RFX8: variants seen among roughly 807,000 people sequenced by gnomAD.
RFX8 encodes the protein regulatory factor X8, also known as DNA-binding protein RFX8.
A neutral mutation model predicts 54.6 loss-of-function variants in RFX8; 46 were observed. That is an observed-to-expected ratio of 0.84 (90% confidence interval 0.67 to 1.08). The LOEUF is 1.08. Ranked by LOEUF, RFX8 falls within the 50% of genes least tolerant of loss-of-function variation. RFX8 has a pLI of 0.00. For missense variants in RFX8, 536 were observed against 562.3 expected (o/e 0.95, Z 0.47); for synonymous variants, 192 against 209.5 (o/e 0.92, Z 0.72).
At chr2:101,469,659 C>T (rs907829437) in intron 1 of RFX8, among the ~76,000 whole-genome samples, 2 of 152,062 alleles carry the variant, frequency 1.3e-5, no homozygotes, top group Non-Finnish European at 2.9e-5. Context: ...ATACAAACTC[C>T]TTAAAATGAA....
At chr2:101,468,450 T>A (rs566328245) in intron 1 of RFX8, among the ~76,000 whole-genome samples, 1 of 152,224 alleles carries the variant, frequency 6.6e-6, no homozygotes, top group South Asian at 2.1e-4. Flanking sequence ...TTTTATTGTT[T>A]TTCTTTTTTG....
chr2:101,421,281 C>A (rs575480349), intron 4 of RFX8: 2 of 986,452 alleles, frequency 2.0e-6, no homozygotes, highest in South Asian at 4.7e-5. Context: ...TTTTCCACAG[C>A]CAATTCTAGG....
intron 2 of RFX8, among the ~76,000 whole-genome samples, chr2:101,428,786 C>T (rs1464440313): frequency 1.3e-5 from 2 of 152,088 alleles, no homozygotes; most frequent in African/African-American, 4.8e-5. Context: ...TGTCTTGGCA[C>T]GGCATGTGGA....
chr2:101,469,159 C>G (rs1334577757), intron 1 of RFX8, among the ~76,000 whole-genome samples: 1 of 140,436 alleles, frequency 7.1e-6, no homozygotes, highest in Non-Finnish European at 1.5e-5. Flanking sequence ...TATATACACA[C>G]ACACACACAC....
At chr2:101,432,120 G>A (rs1226393195) in intron 2 of RFX8, among the ~76,000 whole-genome samples, 2 of 152,202 alleles carry the variant, frequency 1.3e-5, no homozygotes, top group Non-Finnish European at 2.9e-5. Context: ...TGGCAAGGCT[G>A]TCTCTTTCCA....
intron 2 of RFX8, among the ~76,000 whole-genome samples, chr2:101,453,285 AT>A (rs369222579): frequency 0.3 from 42,410 of 142,074 alleles, 6,946 homozygotes; most frequent in South Asian, 0.34. Context: ...TCAAAAAAAA[AT>A]AAATAAATAA....
At chr2:101,463,846 C>T (rs11123888) in intron 2 of RFX8, among the ~76,000 whole-genome samples, 52,299 of 151,820 alleles carry the variant, frequency 0.34, 9,621 homozygotes, top group African/African-American at 0.44. Flanking sequence ...TTCTCTGTGG[C>T]AAGATACCAA....
intron 1 of RFX8, among the ~76,000 whole-genome samples, chr2:101,470,919 C>A (rs1402427001): frequency 3.3e-5 from 5 of 150,380 alleles, no homozygotes; most frequent in South Asian, 4.2e-4. Context: ...TGGGGTTTCA[C>A]CGTGTTAGCC....
At chr2:101,417,446 T>C in intron 6 of RFX8, 88 bp downstream of exon 6, 1 of 1,244,898 alleles carries the variant, frequency 8.0e-7, no homozygotes, top group Non-Finnish European at 1.1e-6. Context: ...CCTCAAGCGA[T>C]CCTCCTGCCT....
chr2:101,412,025 G>A (rs1398595281), intron 8 of RFX8, among the ~76,000 whole-genome samples: 1 of 152,140 alleles, frequency 6.6e-6, no homozygotes, highest in African/African-American at 2.4e-5. Context: ...AGCCTGAAGG[G>A]GTTCATAGGA....
intron 9 of RFX8, among the ~76,000 whole-genome samples, chr2:101,407,805 T>C (rs1314614415): frequency 6.6e-6 from 1 of 152,172 alleles, no homozygotes; most frequent in Non-Finnish European, 1.5e-5. Flanking sequence ...ATGAACACCA[T>C]TGAGCTTTCT....
At chr2:101,424,581 G>A (rs546101086) in intron 2 of RFX8, among the ~76,000 whole-genome samples, 48 of 152,180 alleles carry the variant, frequency 3.2e-4, no homozygotes, top group Admixed American at 7.2e-4. Flanking sequence ...TGTTTATTGC[G>A]GCACTATTCA....
chr2:101,454,646 A>G (rs1188168211), intron 2 of RFX8, among the ~76,000 whole-genome samples: 1 of 152,198 alleles, frequency 6.6e-6, no homozygotes, highest in Non-Finnish European at 1.5e-5. Flanking sequence ...TCTGATAACC[A>G]GTGATGATGA....
chr2:101,407,845 T>C (rs1412670611), intron 9 of RFX8, among the ~76,000 whole-genome samples: 1 of 152,236 alleles, frequency 6.6e-6, no homozygotes, highest in Non-Finnish European at 1.5e-5. Context: ...TGGCACTTCA[T>C]GTCCCCCAAC....
intron 2 of RFX8, chr2:101,429,147 A>G: frequency 3.3e-6 from 2 of 604,204 alleles, no homozygotes; most frequent in African/African-American, 1.8e-5. Flanking sequence ...ACCCTCTGCC[A>G]TGTTTCTATC....
intron 2 of RFX8, among the ~76,000 whole-genome samples, chr2:101,430,934 A>G (rs1436086805): frequency 1.3e-5 from 2 of 152,242 alleles, no homozygotes; most frequent in Admixed American, 6.5e-5. Flanking sequence ...AAATATGGTC[A>G]TCACTCTTTA....
At chr2:101,407,298 C>T (rs1178567515) in intron 9 of RFX8, among the ~76,000 whole-genome samples, 3 of 152,266 alleles carry the variant, frequency 2.0e-5, no homozygotes, top group African/African-American at 7.2e-5. Context: ...CATCCTCCTC[C>T]TCAGTGCTCC....
chr2:101,474,506 C>T (rs1690203403), intron 1 of RFX8, 130 bp downstream of exon 1: 7 of 336,750 alleles, frequency 2.1e-5, no homozygotes, highest in South Asian at 1.5e-4. Context: ...CCGCGCCCCG[C>T]CGAGGATGCG....
intron 1 of RFX8, chr2:101,474,342 C>T (rs934116234): frequency 2.3e-6 from 1 of 433,064 alleles, no homozygotes; most frequent in Non-Finnish European, 4.1e-6. Flanking sequence ...CGCTGGGTTG[C>T]ACCGGTCCTG....
Sources: gnomAD v4.1 joint callset for allele counts (sites outside exome capture counted in the v4.1 genomes callset) on GRCh38, gnomAD v4.1.1 for gene constraint, MANE v1.5 for transcripts, NCBI Gene and HGNC (gene_info 2026-07-23, HGNC 2026-07-21) for gene names.